Variants in ABCA13 observed in about 807,000 individuals in gnomAD.
ABCA13 encodes the protein ATP-binding cassette sub-family A member 13.
Under a neutral mutation model 478.7 loss-of-function variants are expected in ABCA13, and 476 were observed. The observed-to-expected ratio is 0.99, with a 90% CI of 0.92 to 1.07. The LOEUF (loss-of-function observed/expected upper bound fraction) is 1.07. Among genes scored for constraint, ABCA13 ranks in the 50% least tolerant of loss-of-function variants. The pLI is 0.00. For synonymous variants in ABCA13, 2,252 were observed against 2,158.9 expected, an observed-to-expected ratio of 1.04 and a Z score of -1.20; for missense variants, 6,060 against 5,910.6, an observed-to-expected ratio of 1.03 and a Z score of -0.83.
intron 51 of ABCA13, among the ~76,000 whole-genome samples, chr7:48,512,115 C>CTAAGAGAGAGAGGGAGAGAGAGAT (rs1463954431): frequency 6.6e-6 from 1 of 151,346 alleles, no homozygotes; most frequent in Non-Finnish European, 1.5e-5. Context: ...GAAAGAGACA[C>CTAAGAGAGAGAGGGAGAGAGAGAT]TAAGAGAGAG....
chr7:48,572,198 A>G (rs1181896892), intron 55 of ABCA13, among the ~76,000 whole-genome samples: 1 of 152,156 alleles, frequency 6.6e-6, no homozygotes, highest in Admixed American at 6.5e-5. Context: ...TAAAATACAT[A>G]TTTTATTATT....
intron 59 of ABCA13, among the ~76,000 whole-genome samples, chr7:48,639,119 C>T (rs1794913491): frequency 6.6e-6 from 1 of 152,170 alleles, no homozygotes; most frequent in Non-Finnish European, 1.5e-5. Flanking sequence ...GAGCTCATGT[C>T]CTCAGTCTTC....
intron 23 of ABCA13, among the ~76,000 whole-genome samples, chr7:48,302,984 C>A (rs1013213314): frequency 6.6e-6 from 1 of 152,150 alleles, no homozygotes; most frequent in Non-Finnish European, 1.5e-5. Context: ...TTCTCTGCAA[C>A]CTCATCAGAA....
At chr7:48,389,769 C>G (rs919877648) in intron 37 of ABCA13, among the ~76,000 whole-genome samples, 3 of 152,170 alleles carry the variant, frequency 2.0e-5, no homozygotes, top group African/African-American at 7.2e-5. Context: ...ACAATGAATT[C>G]AAACATTCAC....
intron 42 of ABCA13, among the ~76,000 whole-genome samples, chr7:48,450,852 G>A (rs956720665): frequency 1.3e-5 from 2 of 151,742 alleles, no homozygotes; most frequent in Admixed American, 6.6e-5. Context: ...TTCTCTATGA[G>A]TATTTACCTA....
chr7:48,346,420 T>C (rs977380403), intron 29 of ABCA13, among the ~76,000 whole-genome samples: 1 of 151,850 alleles, frequency 6.6e-6, no homozygotes, highest in East Asian at 1.9e-4. Context: ...CTATTCCAAA[T>C]AACAAATGGT....
At chr7:48,621,145 A>G (rs1793088936) in intron 59 of ABCA13, among the ~76,000 whole-genome samples, 1 of 152,032 alleles carries the variant, frequency 6.6e-6, no homozygotes, top group South Asian at 2.1e-4. Flanking sequence ...ACCCACAGAC[A>G]CCGAGGATGA....
intron 35 of ABCA13, among the ~76,000 whole-genome samples, chr7:48,386,631 G>C (rs1419603789): frequency 6.6e-6 from 1 of 152,118 alleles, no homozygotes; most frequent in Non-Finnish European, 1.5e-5. Context: ...ACAAGCAATG[G>C]GGAAAGGATT....
chr7:48,594,416 T>C (rs1325582562), intron 57 of ABCA13, among the ~76,000 whole-genome samples: 1 of 152,160 alleles, frequency 6.6e-6, no homozygotes, highest in Non-Finnish European at 1.5e-5. Context: ...TGGTTCTTTT[T>C]TTTTATAATT....
At chr7:48,401,727 G>T (rs1817632233) in intron 38 of ABCA13, among the ~76,000 whole-genome samples, 1 of 107,742 alleles carries the variant, frequency 9.3e-6, no homozygotes, top group South Asian at 2.4e-4. Context: ...TACTGCTCTT[G>T]GCTTCAAGAA....
chr7:48,537,374 G>A (rs752425484), intron 55 of ABCA13, among the ~76,000 whole-genome samples: 1 of 152,126 alleles, frequency 6.6e-6, no homozygotes, highest in African/African-American at 2.4e-5. Flanking sequence ...TCTAAATGAT[G>A]TTAGAAATAC....
chr7:48,621,391 G>A (rs547182905), intron 59 of ABCA13, among the ~76,000 whole-genome samples: 102 of 152,062 alleles, frequency 6.7e-4, no homozygotes, highest in Non-Finnish European at 1.2e-3. Flanking sequence ...TCCTACTTTT[G>A]CGATATGCTC....
chr7:48,273,397 CA>C lies in ABCA13; in HGVS notation c.3732del (p.Val1245Ter). On this transcript the variant is annotated frameshift_variant, in exon 17 of 62. Coordinates refer to ENST00000435803, the MANE Select transcript of ABCA13 (RefSeq NM_152701.5). LOFTEE classifies it high-confidence loss of function. ...FLVALGNALV[S>X]VKKLNLEQVE... is the part of the protein sequence containing the mutation. ...GTAGCTTTAGGTAATGCATTAGTTTCAGTAAAAAAACTTAACTTGGAGCAAG... is the reference window on the plus strand; with the variant it reads ...GTAGCTTTAGGTAATGCATTAGTTTCGTAAAAAAACTTAACTTGGAGCAAG... The C allele has an allele frequency of 6.2e-7, 1 of 1,613,514 alleles. No homozygotes were observed. The highest frequency in any genetic ancestry group is 8.5e-7 in the Non-Finnish European group (1 of 1,179,688).
At chr7:48,242,183 G>A (rs917166968) in intron 10 of ABCA13, among the ~76,000 whole-genome samples, 1 of 151,938 alleles carries the variant, frequency 6.6e-6, no homozygotes, top group Non-Finnish European at 1.5e-5. Context: ...TACAAATCTC[G>A]AATGCCCCCT....
In ABCA13 at chr7:48,292,191, G is replaced by GA. The variant is rs200561822; in HGVS notation, c.8956-3501dup. On this transcript the variant is annotated intron_variant, in intron 20 of 61. Coordinates refer to ENST00000435803, the MANE Select transcript of ABCA13 (RefSeq NM_152701.5). ...GCAGGCCCCTCAACTTTACTCATCT[G>GA]AAAAAAAACCTCTTCATCTTTCCAT... Among the ~76,000 whole-genome samples the GA allele has an allele frequency of 2.1e-3, 319 of 151,850 alleles. 2 individuals are homozygous for GA. The East Asian group carries it at 0.037, about 18-fold the overall frequency.
chr7:48,335,329 C>A, intron 27 of ABCA13, 93 bp from the exon 28 acceptor site: 1 of 822,662 alleles, frequency 1.2e-6, no homozygotes, highest in Non-Finnish European at 1.8e-6. Context: ...GATCTTTGCT[C>A]TGGTGGCCAC....
intron 35 of ABCA13, among the ~76,000 whole-genome samples, chr7:48,382,759 A>G (rs899368538): frequency 7.0e-6 from 1 of 142,164 alleles, no homozygotes; most frequent in African/African-American, 2.8e-5. Flanking sequence ...TCTTCTCTCA[A>G]TGATTTTTTT....
intron 20 of ABCA13, among the ~76,000 whole-genome samples, chr7:48,294,742 G>T (rs1366802951): frequency 1.3e-5 from 2 of 152,132 alleles, no homozygotes; most frequent in African/African-American, 4.8e-5. Context: ...CACCGCGCCC[G>T]GCCCGTTTCT....
intron 15 of ABCA13, 91 bp downstream of exon 15, chr7:48,249,442 A>C (rs1469129616): frequency 2.0e-6 from 3 of 1,530,624 alleles, no homozygotes; most frequent in Non-Finnish European, 2.7e-6. Flanking sequence ...CTATTTAACA[A>C]AGCGGGGCTT....
Sources: allele counts gnomAD v4.1 joint callset (sites outside exome capture counted in the v4.1 genomes callset), GRCh38; gene constraint gnomAD v4.1.1; transcripts MANE v1.5; gene names NCBI Gene and HGNC (gene_info 2026-07-23, HGNC 2026-07-21).